WNT7B: variants seen among roughly 807,000 people sequenced by gnomAD.
WNT7B encodes the protein protein Wnt-7b.
Under a neutral mutation model 38.2 loss-of-function variants are expected in WNT7B, and 19 were observed. The ratio of observed to expected loss-of-function variants is 0.50; its 90% confidence interval spans 0.35 to 0.73. The LOEUF is 0.73. Among genes scored for constraint, WNT7B ranks in the 30% least tolerant of loss-of-function variants. The pLI is 0.01. For synonymous variants in WNT7B, 243 were observed against 209.3 expected (o/e 1.16, Z -1.39); for missense variants, 423 against 507.9 (o/e 0.83, Z 1.61).
chr22:45,931,305 A>AGCGGTGACGGCGTGCGCCACGCCAGCC lies in WNT7B; in HGVS notation c.336_362dup (p.Gly114_Ala122dup). The stretch of plus-strand genomic sequence containing the variant: ...TGCTCAGGTTCCCTTGGCTGCAGGC[A>AGCGGTGACGGCGTGCGCCACGCCAGCC]GCGGTGACGGCGTGCGCCACGCCAG... On this transcript the variant is annotated inframe_insertion, in exon 3 of 4. Transcript: ENST00000339464. The AGCGGTGACGGCGTGCGCCACGCCAGCC allele has an allele frequency of 6.3e-7, 1 of 1,597,712 alleles. No individual in the cohort carries two copies. Among genetic ancestry groups the AGCGGTGACGGCGTGCGCCACGCCAGCC allele is most frequent in the Non-Finnish European group, 8.5e-7 (1 of 1,179,260 alleles).
intron 1 of WNT7B, among the ~76,000 whole-genome samples, chr22:45,962,551 T>C (rs1932220536): frequency 6.6e-6 from 1 of 152,186 alleles, no homozygotes; most frequent in South Asian, 2.1e-4. Flanking sequence ...TCTCTCTCAG[T>C]TCTCCCCTCT....
chr22:45,931,797 G>A (rs1931370211), intron 2 of WNT7B, among the ~76,000 whole-genome samples: 1 of 151,992 alleles, frequency 6.6e-6, no homozygotes, highest in African/African-American at 2.4e-5. Flanking sequence ...CAGCCTCCCA[G>A]GAGCCCCTCC....
intron 2 of WNT7B, among the ~76,000 whole-genome samples, chr22:45,936,329 G>A (rs944923541): frequency 1.3e-5 from 2 of 152,210 alleles, no homozygotes; most frequent in African/African-American, 4.8e-5. Context: ...TCACTAAGAT[G>A]GTGGGCAGTC....
chr22:45,926,984 C>T (rs1931104984), intron 3 of WNT7B: 2 of 985,334 alleles, frequency 2.0e-6, no homozygotes, highest in Non-Finnish European at 2.4e-6. Flanking sequence ...GGTTCCCACC[C>T]CCTGGCTCCA....
chr22:45,927,401 C>G, intron 3 of WNT7B: 1 of 1,527,046 alleles, frequency 6.5e-7, no homozygotes, highest in Non-Finnish European at 8.8e-7. Flanking sequence ...CTCACTCTTG[C>G]CCATCAGGGA....
At chr22:45,940,947 G>A (rs752100071) in intron 2 of WNT7B, among the ~76,000 whole-genome samples, 32 of 152,216 alleles carry the variant, frequency 2.1e-4, no homozygotes, top group Admixed American at 1.2e-3. Context: ...TGATGAAGTC[G>A]GGGACGGCCC....
chr22:45,971,810 G>A (rs568755420), intron 1 of WNT7B, among the ~76,000 whole-genome samples: 1 of 152,232 alleles, frequency 6.6e-6, no homozygotes, highest in Non-Finnish European at 1.5e-5. Flanking sequence ...GCTGGTCCAG[G>A]ACTCTGCTGG....
chr22:45,972,116 GC>G, intron 1 of WNT7B: 1 of 530,738 alleles, frequency 1.9e-6, no homozygotes, highest in Non-Finnish European at 3.3e-6. Context: ...CCCGGGGGGA[GC>G]CCACCCGCCC....
chr22:45,929,923 CCCATCCACCCACTCATCCTT>C (rs1283299252), intron 3 of WNT7B, among the ~76,000 whole-genome samples: 4 of 102,564 alleles, frequency 3.9e-5, no homozygotes, highest in African/African-American at 1.6e-4. Flanking sequence ...CATCTATCCT[CCCATCCACCCACTCATCCTT>C]CCATCCATCC....
chr22:45,928,845 G>T (rs374040011), intron 3 of WNT7B, among the ~76,000 whole-genome samples: 2 of 146,584 alleles, frequency 1.4e-5, no homozygotes, highest in African/African-American at 5.0e-5. Flanking sequence ...CCTGGCCCTG[G>T]TTTCCCCATA....
rs1047426345 is a variant in WNT7B, at chr22:45,976,003, C to T, written c.71+681G>A. ...CAGCTAGCGCGGCTCGCCGGGCGCC[C>T]GCCCGCCGGGCCGCGCCAGGGGGAG... On this transcript the variant is annotated intron_variant, in intron 1 of 3. Coordinates refer to ENST00000339464, the MANE Select transcript of WNT7B (RefSeq NM_058238.3). This position sits in a 1 kb window ranked among gnomAD's most constrained non-coding sequence, Gnocchi z 8.5. The T allele has an allele frequency of 1.4e-5, 2 of 146,960 alleles. No individual in the cohort carries two copies. Among genetic ancestry groups the T allele is most frequent in the Non-Finnish European group, 3.0e-5 (2 of 66,044 alleles). 9.1% of individuals were successfully genotyped at this position (146,960 alleles called of 1,614,324 possible).
At chr22:45,939,446 T>C (rs117948694) in intron 2 of WNT7B, among the ~76,000 whole-genome samples, 1,984 of 152,338 alleles carry the variant, frequency 0.013, 15 homozygotes, top group Middle Eastern at 0.031. Context: ...GGCAGAATAT[T>C]ACTCAGCCTT....
At chr22:45,948,836 T>C (rs1455488421) in intron 2 of WNT7B, among the ~76,000 whole-genome samples, 2 of 123,610 alleles carry the variant, frequency 1.6e-5, no homozygotes, top group African/African-American at 9.1e-5. Context: ...CCTTTTTTTT[T>C]TTTTTTTTTT....
chr22:45,927,236 C>A, intron 3 of WNT7B: 4 of 985,438 alleles, frequency 4.1e-6, no homozygotes, highest in Non-Finnish European at 4.8e-6. Flanking sequence ...TCTCCAAAAC[C>A]TCAGGGGCTG....
At position 45,965,693 on chromosome 22, in the gene WNT7B, C is replaced by T. The variant is rs1160829984; in HGVS notation, c.71+10991G>A. Among the ~76,000 whole-genome samples the T allele has an allele frequency of 6.6e-6, 1 of 152,190 alleles. No individual in the cohort carries two copies. Among genetic ancestry groups the T allele is most frequent in the African/African-American group, 2.4e-5 (1 of 41,452 alleles). ...GGTCAGGGGCGAAAGCAGGACAAGA[C>T]CCAGAACAGAAGGCCTCTGGGCTTC... On this transcript the variant is annotated intron_variant, in intron 1 of 3. Transcript: ENST00000339464. This position sits in a 1 kb window ranked among gnomAD's most constrained non-coding sequence, Gnocchi z 6.5.
chr22:45,925,941 C>T (rs1265379564), intron 3 of WNT7B: 1 of 985,224 alleles, frequency 1.0e-6, no homozygotes, highest in Non-Finnish European at 1.2e-6. Flanking sequence ...GGATGGCTGC[C>T]CCTGGTACTG....
intron 3 of WNT7B, among the ~76,000 whole-genome samples, chr22:45,930,125 C>A (rs1326687317): frequency 6.6e-6 from 1 of 152,234 alleles, no homozygotes; most frequent in Non-Finnish European, 1.5e-5. Context: ...CTGACACTCT[C>A]CTACACAACC....
rs1930899399 is a variant in WNT7B at position 45,920,692 on chromosome 22, TGGGGTC to T, written c.*2158_*2163del. ...TAGGGATGAGGGATGGGATGGGGGA[TGGGGTC>T]AGGGATGGGATGGGGGATGGGATGA... On this transcript the variant is annotated 3_prime_UTR_variant, in exon 4 of 4. Coordinates refer to ENST00000339464, the MANE Select transcript of WNT7B (RefSeq NM_058238.3). The T allele has an allele frequency of 3.6e-5, 1 of 27,784 alleles. No individual in the cohort carries two copies. The allele number at this position is 27,784 out of a possible 1,614,324, so 1.7% of individuals were successfully genotyped here.
chr22:45,958,782 C>T (rs942269181), intron 1 of WNT7B, among the ~76,000 whole-genome samples: 2 of 152,178 alleles, frequency 1.3e-5, no homozygotes, highest in South Asian at 2.1e-4. Context: ...TCGAAGACAG[C>T]GGGGGCAGGA....
Sources: allele counts gnomAD v4.1 joint callset (sites outside exome capture counted in the v4.1 genomes callset), GRCh38; gene constraint gnomAD v4.1.1; non-coding constraint Gnocchi (gnomAD v3.1); transcripts MANE v1.5; gene names NCBI Gene and HGNC (gene_info 2026-07-23, HGNC 2026-07-21).